The following KCNIP4 variants were observed in gnomAD, a reference collection of about 807,000 sequenced individuals.
KCNIP4 encodes the protein Kv channel-interacting protein 4.
In KCNIP4, 12 loss-of-function variants were observed where a neutral mutation model predicts 34.0. That is an observed-to-expected ratio of 0.35 (90% CI 0.23 to 0.57). The LOEUF (loss-of-function observed/expected upper bound fraction) is 0.57, where lower values mean the gene tolerates loss of function less well. KCNIP4 is among the 20% of genes least tolerant of loss of function. The probability of loss-of-function intolerance (pLI) is 0.83; values close to 1 mark genes in which losing one functional copy is unlikely to be tolerated. For missense variants in KCNIP4, 238 were observed against 311.7 expected (o/e 0.76, Z 1.78); for synonymous variants, 124 against 102.2 (o/e 1.21, Z -1.29).
intron 1 of KCNIP4, among the ~76,000 whole-genome samples, chr4:21,722,279 A>C (rs1160637713): frequency 6.6e-6 from 1 of 152,150 alleles, no homozygotes; most frequent in East Asian, 1.9e-4. Context: ...AAACAATTCC[A>C]GTGTATGCAG....
chr4:21,571,688 C>T (rs1373377133), intron 1 of KCNIP4, among the ~76,000 whole-genome samples: 1 of 152,078 alleles, frequency 6.6e-6, no homozygotes, highest in African/African-American at 2.4e-5. Context: ...AGAAGAGACA[C>T]TTATTGCTCA....
rs1757841287 is a variant in KCNIP4 at position 21,219,572 on chromosome 4, C to A, written c.62-336863G>T. Among the ~76,000 whole-genome samples, 2 of 152,098 alleles carry A rather than the reference C, an allele frequency of 1.3e-5. 1 individual carries two copies. The highest frequency in any genetic ancestry group is 4.1e-4 in the South Asian group (2 of 4,826). On this transcript the variant is annotated intron_variant, in intron 1 of 8. Transcript: ENST00000382152. Reference sequence around the variant, plus strand: ...AATGGTTAAAGCTTACAAATCCTTGCCAATTATACATTCTCAAATTAACCT... The same window carrying A: ...AATGGTTAAAGCTTACAAATCCTTGACAATTATACATTCTCAAATTAACCT...
chr4:21,188,896 A>G (rs1394860069), intron 1 of KCNIP4, among the ~76,000 whole-genome samples: 1 of 152,204 alleles, frequency 6.6e-6, no homozygotes, highest in Non-Finnish European at 1.5e-5. Flanking sequence ...AGCTAGGCAC[A>G]TAGTAGAACC....
intron 1 of KCNIP4, among the ~76,000 whole-genome samples, chr4:21,197,660 A>G (rs1475877004): frequency 1.3e-5 from 2 of 151,942 alleles, no homozygotes; most frequent in Admixed American, 6.6e-5. Context: ...AGAAAGAGAA[A>G]GTTTCAGCAG....
chr4:21,492,614 G>C (rs1732507000), intron 1 of KCNIP4, among the ~76,000 whole-genome samples: 1 of 152,150 alleles, frequency 6.6e-6, no homozygotes. Flanking sequence ...TGTGTGACTA[G>C]TTGATTGAAT....
At chr4:21,920,147 T>G (rs371034481) in intron 1 of KCNIP4, among the ~76,000 whole-genome samples, 23 of 152,292 alleles carry the variant, frequency 1.5e-4, no homozygotes, top group African/African-American at 5.1e-4. Context: ...GCTGAATTTG[T>G]GTAGTATGTG....
chr4:21,144,856 T>C (rs760808730), intron 1 of KCNIP4, among the ~76,000 whole-genome samples: 2 of 152,164 alleles, frequency 1.3e-5, no homozygotes, highest in Non-Finnish European at 2.9e-5. Flanking sequence ...TCTTCCTCTT[T>C]CTGTTTCTGC....
At chr4:20,810,564 A>G (rs1408754965) in intron 3 of KCNIP4, among the ~76,000 whole-genome samples, 2 of 152,150 alleles carry the variant, frequency 1.3e-5, no homozygotes, top group Non-Finnish European at 2.9e-5. Flanking sequence ...TTTGCAACTA[A>G]CACTGATGCC....
chr4:21,043,740 A>G (rs1742168410), intron 1 of KCNIP4, among the ~76,000 whole-genome samples: 1 of 152,160 alleles, frequency 6.6e-6, no homozygotes, highest in African/African-American at 2.4e-5. Flanking sequence ...ATAAATAATA[A>G]TATCAGAAAT....
At chr4:21,422,775 A>G (rs976311188) in intron 1 of KCNIP4, among the ~76,000 whole-genome samples, 3 of 152,012 alleles carry the variant, frequency 2.0e-5, no homozygotes, top group African/African-American at 4.8e-5. Context: ...ATTTACCACA[A>G]TGTAACACAG....
intron 1 of KCNIP4, among the ~76,000 whole-genome samples, chr4:21,671,289 A>T (rs1267718832): frequency 6.6e-6 from 1 of 152,238 alleles, no homozygotes; most frequent in Non-Finnish European, 1.5e-5. Flanking sequence ...AAATGTAGCC[A>T]GCCACATTTT....
intron 1 of KCNIP4, among the ~76,000 whole-genome samples, chr4:21,829,736 A>G (rs1040179620): frequency 2.0e-5 from 3 of 152,178 alleles, no homozygotes; most frequent in Middle Eastern, 3.4e-3. Flanking sequence ...GTAATAGCAG[A>G]GAAAGAAAGA....
rs1436659094 is a variant in KCNIP4 at position 21,809,091 on chromosome 4, C to T, written c.61+139480G>A. Among the ~76,000 whole-genome samples the T allele has an allele frequency of 5.9e-5, 9 of 152,154 alleles. No homozygotes were observed. The South Asian group carries it at 8.3e-4, about 14-fold the overall frequency. ...TGGGATACCCAAATAGCTGGTAAAA[C>T]GCTATTTCTGGGTGTGTCTGTGAGG... On this transcript the variant is annotated intron_variant, in intron 1 of 8. Coordinates refer to ENST00000382152, the MANE Select transcript of KCNIP4 (RefSeq NM_025221.6).
chr4:21,107,311 G>T (rs2109088764), intron 1 of KCNIP4, among the ~76,000 whole-genome samples: 1 of 141,822 alleles, frequency 7.1e-6, no homozygotes, highest in East Asian at 2.0e-4. Flanking sequence ...ATTTAGGATA[G>T]TTAGCTCTTC....
Position 21,175,968 on chromosome 4 carries a change from A to G in KCNIP4, c.62-293259T>C, listed in dbSNP as rs1412212024. Among the ~76,000 whole-genome samples, 7 of 151,862 alleles carry G rather than the reference A, an allele frequency of 4.6e-5. No individual in the cohort carries two copies. The East Asian group carries it at 1.4e-3, about 29-fold the overall frequency. ...AAAACTCCCATTTGTTTTTTTTTAG[A>G]GTTGTGTTCACCCTTTCTCTTTCCC... On this transcript the variant is annotated intron_variant, in intron 1 of 8. Coordinates refer to ENST00000382152, the MANE Select transcript of KCNIP4 (RefSeq NM_025221.6).
intron 1 of KCNIP4, among the ~76,000 whole-genome samples, chr4:21,659,034 G>A (rs1748210826): frequency 6.6e-6 from 1 of 152,164 alleles, no homozygotes; most frequent in Admixed American, 6.6e-5. Context: ...AATTTAATTA[G>A]CAGTTTAAAA....
At chr4:20,739,333 T>G (rs370490342) in intron 5 of KCNIP4, among the ~76,000 whole-genome samples, 1 of 152,254 alleles carries the variant, frequency 6.6e-6, no homozygotes, top group African/African-American at 2.4e-5. Context: ...CACCTCCTAG[T>G]AGGGGCAGAC....
chr4:21,928,209 T>C (rs1729379040), intron 1 of KCNIP4, among the ~76,000 whole-genome samples: 3 of 151,836 alleles, frequency 2.0e-5, no homozygotes, highest in South Asian at 2.1e-4. Context: ...GGATCAGTGA[T>C]GAATTAAAGA....
chr4:21,925,132 G>A (rs540826119), intron 1 of KCNIP4, among the ~76,000 whole-genome samples: 4 of 151,404 alleles, frequency 2.6e-5, no homozygotes, highest in South Asian at 4.2e-4. Context: ...TGTGTACAAC[G>A]TGCAGGTTTG....
Sources: gnomAD v4.1 joint callset for allele counts (sites outside exome capture counted in the v4.1 genomes callset) on GRCh38, gnomAD v4.1.1 for gene constraint, MANE v1.5 for transcripts, NCBI Gene and HGNC (gene_info 2026-07-23, HGNC 2026-07-21) for gene names.